LRCH1: variants seen among roughly 807,000 people sequenced by gnomAD.
LRCH1 encodes the protein leucine-rich repeat and calponin homology domain-containing protein 1.
LRCH1 carries 23 observed loss-of-function variants against 94.9 expected under a neutral mutation model. The observed-to-expected ratio is 0.24, with a 90% confidence interval of 0.17 to 0.34. The LOEUF (loss-of-function observed/expected upper bound fraction) is 0.34, where lower values mean the gene tolerates loss of function less well. Among genes scored for constraint, LRCH1 ranks in the 10% least tolerant of loss-of-function variants. The pLI is 1.00. For synonymous variants in LRCH1, 364 were observed against 354.9 expected (o/e 1.03, Z -0.29); for missense variants, 790 against 945.9 (o/e 0.84, Z 2.16).
At position 46,573,619 on chromosome 13, in the gene LRCH1, G is replaced by A. The variant is rs561397583; in HGVS notation, c.307+19916G>A. Among the ~76,000 whole-genome samples, 25 of 151,880 alleles carry A rather than the reference G, an allele frequency of 1.6e-4. No homozygotes were observed. In the South Asian group the frequency reaches 4.8e-3, roughly 29 times the overall value. On this transcript the variant is annotated intron_variant, in intron 1 of 19. Transcript: ENST00000389797. Reference sequence around the variant, plus strand: ...GACATCATTATATTAAGTGAAATAAGCCGGGCACAGAAAGACAAACTTCGC... The same window carrying A: ...GACATCATTATATTAAGTGAAATAAACCGGGCACAGAAAGACAAACTTCGC...
intron 16 of LRCH1, 131 bp downstream of exon 16, chr13:46,715,795 C>A: frequency 3.2e-6 from 2 of 631,914 alleles, no homozygotes; most frequent in South Asian, 2.0e-5. Flanking sequence ...AATGTGTAAG[C>A]CTGGAAAGTG....
chr13:46,683,344 T>C (rs1245106510), intron 4 of LRCH1, among the ~76,000 whole-genome samples: 1 of 152,212 alleles, frequency 6.6e-6, no homozygotes, highest in Non-Finnish European at 1.5e-5. Flanking sequence ...TCATACTGAC[T>C]AGCATTTTAG....
intron 1 of LRCH1, among the ~76,000 whole-genome samples, chr13:46,642,929 C>T (rs2051176851): frequency 6.6e-6 from 1 of 152,116 alleles, no homozygotes; most frequent in Non-Finnish European, 1.5e-5. Flanking sequence ...AAAAACTCTC[C>T]GAGTGATTGC....
chr13:46,632,040 A>G (rs1047998492), intron 1 of LRCH1, among the ~76,000 whole-genome samples: 1 of 152,110 alleles, frequency 6.6e-6, no homozygotes, highest in Non-Finnish European at 1.5e-5. Flanking sequence ...CATCTCTACT[A>G]AAAATACAAA....
At chr13:46,651,049 G>A (rs1026772438) in intron 2 of LRCH1, among the ~76,000 whole-genome samples, 2 of 152,192 alleles carry the variant, frequency 1.3e-5, no homozygotes, top group Non-Finnish European at 2.9e-5. Flanking sequence ...TTGCAGCTAG[G>A]TTCTCTGGTC....
chr13:46,623,368 G>A (rs1200747449), intron 1 of LRCH1, among the ~76,000 whole-genome samples: 2 of 152,074 alleles, frequency 1.3e-5, no homozygotes, highest in Non-Finnish European at 2.9e-5. Flanking sequence ...ATTGTAATGG[G>A]GAGAAAGTAA....
chr13:46,556,429 A>G (rs1165075929), intron 1 of LRCH1, among the ~76,000 whole-genome samples: 1 of 152,256 alleles, frequency 6.6e-6, no homozygotes, highest in African/African-American at 2.4e-5. Context: ...TTGAATCAAA[A>G]TAAGTTTTGT....
At chr13:46,714,157 C>G (rs1407270877) in intron 15 of LRCH1, among the ~76,000 whole-genome samples, 1 of 152,130 alleles carries the variant, frequency 6.6e-6, no homozygotes, top group African/African-American at 2.4e-5. Flanking sequence ...TAGCAGAAAA[C>G]AAAGTTAATT....
At chr13:46,610,797 C>A (rs1008849) in intron 1 of LRCH1, among the ~76,000 whole-genome samples, 2 of 151,984 alleles carry the variant, frequency 1.3e-5, no homozygotes, top group Admixed American at 6.5e-5. Context: ...TATAAACATG[C>A]GATAACACAG....
chr13:46,700,417 AT>A (rs1445719221), intron 10 of LRCH1, among the ~76,000 whole-genome samples: 5 of 152,332 alleles, frequency 3.3e-5, no homozygotes, highest in Admixed American at 6.5e-5. Flanking sequence ...CTCACTGGAT[AT>A]GCTGCTGAGA....
Position 46,613,089 on chromosome 13 carries a change from T to C in LRCH1, c.308-37112T>C, listed in dbSNP as rs566371471. ...AAATATTACCAGGTTTTTAATTTTC[T>C]TTAAAAAAATGCATTTCTAGGGCTG... On this transcript the variant is annotated intron_variant, in intron 1 of 19. Transcript: ENST00000389797. 4.1e-4 allele frequency among the ~76,000 whole-genome samples: 62 copies of C among 152,190 alleles called. 1 individual carries two copies. The highest frequency in any genetic ancestry group is 8.3e-4 in the South Asian group (4 of 4,830).
intron 16 of LRCH1, among the ~76,000 whole-genome samples, chr13:46,719,326 C>T (rs977798569): frequency 6.6e-6 from 1 of 152,360 alleles, no homozygotes; most frequent in Non-Finnish European, 1.5e-5. Flanking sequence ...TCAACAAACT[C>T]ATTCTGCCCC....
intron 1 of LRCH1, among the ~76,000 whole-genome samples, chr13:46,624,336 A>G (rs2050919228): frequency 2.0e-5 from 3 of 152,200 alleles, no homozygotes; most frequent in Non-Finnish European, 4.4e-5. Context: ...TGAGTATGGA[A>G]GTGTTCCATG....
intron 1 of LRCH1, among the ~76,000 whole-genome samples, chr13:46,644,926 T>G (rs1431024106): frequency 6.6e-6 from 1 of 152,218 alleles, no homozygotes; most frequent in Admixed American, 6.5e-5. Context: ...AAGGCTTTAC[T>G]GGGTAAACCT....
intron 1 of LRCH1, among the ~76,000 whole-genome samples, chr13:46,577,016 G>C (rs1028537330): frequency 6.6e-6 from 1 of 152,168 alleles, no homozygotes; most frequent in Non-Finnish European, 1.5e-5. Flanking sequence ...TGTGATTGTG[G>C]AACTCATGGT....
At chr13:46,682,713 T>C (rs1870392354) in intron 4 of LRCH1, among the ~76,000 whole-genome samples, 1 of 152,136 alleles carries the variant, frequency 6.6e-6, no homozygotes, top group Admixed American at 6.5e-5. Flanking sequence ...TCTTGGTAAG[T>C]TTCACCAGTG....
At chr13:46,626,027 A>G (rs970720106) in intron 1 of LRCH1, among the ~76,000 whole-genome samples, 1 of 152,192 alleles carries the variant, frequency 6.6e-6, no homozygotes, top group Non-Finnish European at 1.5e-5. Flanking sequence ...TGGGTCTTAT[A>G]TTCAGCAGTA....
intron 1 of LRCH1, among the ~76,000 whole-genome samples, chr13:46,648,162 A>G (rs576560414): frequency 2.9e-4 from 44 of 152,296 alleles, no homozygotes; most frequent in African/African-American, 1.0e-3. Context: ...ATCATCAGAC[A>G]TTAGATTCTA....
chr13:46,626,275 GT>G (rs2050948421), intron 1 of LRCH1, among the ~76,000 whole-genome samples: 1 of 152,036 alleles, frequency 6.6e-6, no homozygotes, highest in South Asian at 2.1e-4. Flanking sequence ...ATGACTATGG[GT>G]AGTGTCAGAC....
Sources: allele counts gnomAD v4.1 joint callset (sites outside exome capture counted in the v4.1 genomes callset), GRCh38; gene constraint gnomAD v4.1.1; transcripts MANE v1.5; gene names NCBI Gene and HGNC (gene_info 2026-07-23, HGNC 2026-07-21).